ZEB1: variants seen among roughly 807,000 people sequenced by gnomAD.
ZEB1 encodes the protein zinc finger E-box binding homeobox 1, also known as zinc finger E-box-binding homeobox 1.
ZEB1 carries 21 observed loss-of-function variants against 84.9 expected under a neutral mutation model. The observed-to-expected ratio is 0.25, with a 90% CI of 0.18 to 0.36. ZEB1 has a LOEUF of 0.36. ZEB1 is among the 10% of genes least tolerant of loss of function. ZEB1 has a pLI of 1.00. For missense variants in ZEB1, 1,104 were observed against 1,330.2 expected (o/e 0.83, Z 2.65); for synonymous variants, 420 against 471.1 (o/e 0.89, Z 1.41).
chr10:31,363,977 G>A (rs866594533), intron 1 of ZEB1, among the ~76,000 whole-genome samples: 5 of 152,170 alleles, frequency 3.3e-5, no homozygotes, highest in African/African-American at 1.2e-4. Context: ...CGGACAAGAC[G>A]AGCAGGTTGC....
At chr10:31,431,091 G>T (rs995025359) in intron 1 of ZEB1, among the ~76,000 whole-genome samples, 2 of 152,126 alleles carry the variant, frequency 1.3e-5, no homozygotes, top group East Asian at 3.9e-4. Context: ...ATTTTCTTCT[G>T]TTTCCAAAAG....
Position 31,529,539 on chromosome 10 carries a change from C to CATCCT in ZEB1, c.*2275_*2276insATCCT. On this transcript the variant is annotated 3_prime_UTR_variant, in exon 9 of 9. Transcript: ENST00000424869. ...TACCTCTGATACTATTATTTATATT[C>CATCCT]CTTCCCCACTAGGAACAGGAACCAC... is the stretch of plus-strand genomic sequence containing the variant. 6.6e-6 allele frequency: 1 copy of CATCCT among 152,320 alleles called. No homozygotes were observed. 9.4% of individuals were successfully genotyped at this position (152,320 alleles called of 1,614,324 possible).
intron 1 of ZEB1, among the ~76,000 whole-genome samples, chr10:31,326,223 A>C (rs1295536122): frequency 6.6e-6 from 1 of 152,106 alleles, no homozygotes; most frequent in Non-Finnish European, 1.5e-5. Context: ...ATGTAGTGAA[A>C]TCCTTCAAGG....
chr10:31,452,742 T>TGTGAGAGAGAGAGAGA (rs1387786622), intron 1 of ZEB1, among the ~76,000 whole-genome samples: 8 of 90,736 alleles, frequency 8.8e-5, no homozygotes, highest in African/African-American at 2.6e-4. Context: ...TGTGTGTGTG[T>TGTGAGAGAGAGAGAGA]GAGAGAGAGA....
At chr10:31,411,638 CAAAAA>C (rs11440732) in intron 1 of ZEB1, among the ~76,000 whole-genome samples, 2 of 98,096 alleles carry the variant, frequency 2.0e-5, no homozygotes, top group Admixed American at 1.2e-4. Context: ...GACTCCGTCT[CAAAAA>C]AAAAAAAAAA....
intron 2 of ZEB1, 76 bp downstream of exon 2, chr10:31,461,313 AT>A: frequency 6.9e-7 from 1 of 1,439,032 alleles, no homozygotes; most frequent in South Asian, 1.3e-5. Context: ...GAAAAGATAA[AT>A]TGGATGAAAA....
intron 1 of ZEB1, among the ~76,000 whole-genome samples, chr10:31,449,178 A>G (rs543047205): frequency 6.9e-4 from 105 of 152,318 alleles, no homozygotes; most frequent in African/African-American, 2.4e-3. Flanking sequence ...CCGATTTTCC[A>G]GGTGCGTCTG....
chr10:31,364,188 G>A (rs1327755675), intron 1 of ZEB1, among the ~76,000 whole-genome samples: 4 of 152,212 alleles, frequency 2.6e-5, no homozygotes, highest in Non-Finnish European at 5.9e-5. Flanking sequence ...GACAGAGCCA[G>A]TGTGTGGAGG....
chr10:31,449,282 G>A (rs980797442), intron 1 of ZEB1, among the ~76,000 whole-genome samples: 18 of 152,242 alleles, frequency 1.2e-4, no homozygotes, highest in Non-Finnish European at 2.2e-4. Context: ...TGCGCACAGT[G>A]CGCGCACCCA....
chr10:31,506,824 G>T (rs144445901), intron 4 of ZEB1, among the ~76,000 whole-genome samples: 1 of 152,138 alleles, frequency 6.6e-6, no homozygotes, highest in East Asian at 1.9e-4. Context: ...TGTATCATTT[G>T]TTCCTTTCTT....
intron 1 of ZEB1, among the ~76,000 whole-genome samples, chr10:31,390,780 C>G (rs979278965): frequency 6.6e-6 from 1 of 152,196 alleles, no homozygotes; most frequent in African/African-American, 2.4e-5. Flanking sequence ...ATTCTTAGCT[C>G]TGGTGTTGAC....
At chr10:31,342,967 T>C (rs2039664876) in intron 1 of ZEB1, among the ~76,000 whole-genome samples, 2 of 152,180 alleles carry the variant, frequency 1.3e-5, no homozygotes, top group African/African-American at 4.8e-5. Flanking sequence ...AATTTTTGTT[T>C]GTGTTTGTGG....
chr10:31,520,406 C>T lies in ZEB1; in HGVS notation c.1074C>T (p.Pro358=). ...AACCTGTGGATTATGAATTCAAACC[C>T]ATAGTGGTTGCTTCAGGAATCAACT... is the stretch of plus-strand genomic sequence containing the variant. ...KTEPVDYEFK[P]IVVASGINCS... The change falls in exon 7 of 9, where the codon CCC becomes CCT. Residue 358 remains proline (P), a synonymous_variant. Transcript: ENST00000424869. This position sits in a 1 kb window ranked among gnomAD's most constrained non-coding sequence, Gnocchi z 5.1. 1.2e-6 allele frequency: 2 copies of T among 1,613,914 alleles called. No homozygotes were observed. The highest frequency in any genetic ancestry group is 1.7e-6 in the Non-Finnish European group (2 of 1,179,942).
intron 4 of ZEB1, among the ~76,000 whole-genome samples, chr10:31,508,063 G>A (rs2069284152): frequency 6.6e-6 from 1 of 152,154 alleles, no homozygotes; most frequent in Non-Finnish European, 1.5e-5. Context: ...TAAATAGTGT[G>A]AGTAGGGTCC....
intron 1 of ZEB1, among the ~76,000 whole-genome samples, chr10:31,362,001 G>A (rs2043225002): frequency 6.6e-6 from 1 of 150,550 alleles, no homozygotes; most frequent in Admixed American, 6.6e-5. Flanking sequence ...CAGACGGTGA[G>A]GAGGCTGGGC....
chr10:31,354,277 C>CT (rs1449211435), intron 1 of ZEB1, among the ~76,000 whole-genome samples: 1 of 152,044 alleles, frequency 6.6e-6, no homozygotes, highest in Non-Finnish European at 1.5e-5. Flanking sequence ...ATATAAAGCA[C>CT]TTTTTTTGTA....
chr10:31,362,950 T>C (rs919574044), intron 1 of ZEB1: 77 of 1,533,560 alleles, frequency 5.0e-5, no homozygotes, highest in Non-Finnish European at 6.5e-5. Context: ...TTGGGAAGCC[T>C]GACCCACCAA....
chr10:31,483,544 G>A (rs1435771488), intron 2 of ZEB1, among the ~76,000 whole-genome samples: 1 of 152,018 alleles, frequency 6.6e-6, no homozygotes, highest in Non-Finnish European at 1.5e-5. Flanking sequence ...AACATCTTAA[G>A]AGAAGTTACC....
At chr10:31,382,160 A>T (rs1038359513) in intron 1 of ZEB1, among the ~76,000 whole-genome samples, 1 of 151,846 alleles carries the variant, frequency 6.6e-6, no homozygotes, top group South Asian at 2.1e-4. Flanking sequence ...CTCTGCTTGC[A>T]TGCCACCTTG....
Sources: allele counts gnomAD v4.1 joint callset (sites outside exome capture counted in the v4.1 genomes callset), GRCh38; gene constraint gnomAD v4.1.1; non-coding constraint Gnocchi (gnomAD v3.1); transcripts MANE v1.5; gene names NCBI Gene and HGNC (gene_info 2026-07-23, HGNC 2026-07-21).